VPS36: variants seen among roughly 807,000 people sequenced by gnomAD.
The protein encoded by VPS36 is vacuolar protein-sorting-associated protein 36.
VPS36 carries 31 observed loss-of-function variants against 63.5 expected under a neutral mutation model. That is an observed-to-expected ratio of 0.49 (90% confidence interval 0.37 to 0.66). The LOEUF is 0.66. Ranked by LOEUF, VPS36 falls within the 30% of genes least tolerant of loss-of-function variation. The pLI is 0.00. For missense variants in VPS36, 338 were observed against 463.7 expected, an observed-to-expected ratio of 0.73 and a Z score of 2.49; for synonymous variants, 138 against 157.2, an observed-to-expected ratio of 0.88 and a Z score of 0.91.
intron 1 of VPS36, among the ~76,000 whole-genome samples, chr13:52,443,492 A>G (rs1174425799): frequency 6.6e-6 from 1 of 152,154 alleles, no homozygotes; most frequent in Non-Finnish European, 1.5e-5. Context: ...AGACCATGCA[A>G]GTACACAGGG....
intron 8 of VPS36, 85 bp from the exon 9 acceptor site, chr13:52,426,151 A>T: frequency 6.6e-7 from 1 of 1,523,736 alleles, no homozygotes; most frequent in Non-Finnish European, 8.9e-7. Flanking sequence ...ATTCCACTCA[A>T]TTATGTCTAC....
intron 1 of VPS36, among the ~76,000 whole-genome samples, chr13:52,444,401 A>C (rs868131822): frequency 2.0e-5 from 3 of 151,656 alleles, no homozygotes; most frequent in African/African-American, 7.3e-5. Context: ...CGGAGCTTGC[A>C]GTGAGCCGAG....
intron 10 of VPS36, among the ~76,000 whole-genome samples, chr13:52,423,047 G>A (rs1397021626): frequency 6.6e-6 from 1 of 152,134 alleles, no homozygotes; most frequent in Non-Finnish European, 1.5e-5. Flanking sequence ...CACCATCCAC[G>A]TAAGATGTGA....
At chr13:52,444,548 A>G (rs1348281859) in intron 1 of VPS36, among the ~76,000 whole-genome samples, 1 of 147,634 alleles carries the variant, frequency 6.8e-6, no homozygotes, top group African/African-American at 2.5e-5. Context: ...ACATATACAT[A>G]TATATGTATA....
intron 1 of VPS36, chr13:52,450,250 G>A: frequency 9.0e-7 from 1 of 1,112,906 alleles, no homozygotes; most frequent in Non-Finnish European, 1.1e-6. Flanking sequence ...GCCGCGATCC[G>A]CGCCTGCTGG....
intron 3 of VPS36, among the ~76,000 whole-genome samples, chr13:52,437,613 T>C (rs1216408751): frequency 6.6e-6 from 1 of 151,898 alleles, no homozygotes; most frequent in Non-Finnish European, 1.5e-5. Flanking sequence ...GTCATCCAAT[T>C]ACTATACTTC....
chr13:52,432,913 G>T (rs1434196888), intron 6 of VPS36, among the ~76,000 whole-genome samples: 3 of 152,280 alleles, frequency 2.0e-5, no homozygotes, highest in Middle Eastern at 3.4e-3. Context: ...TTACTTGATT[G>T]ACATAAATCT....
chr13:52,419,757 G>A (rs951750295), intron 10 of VPS36, among the ~76,000 whole-genome samples: 8 of 152,180 alleles, frequency 5.3e-5, no homozygotes, highest in African/African-American at 1.9e-4. Flanking sequence ...GATAGAACTG[G>A]AAGACATTGT....
chr13:52,431,609 A>G (rs1297959957), intron 6 of VPS36, among the ~76,000 whole-genome samples: 3 of 151,934 alleles, frequency 2.0e-5, no homozygotes, highest in Non-Finnish European at 4.4e-5. Context: ...CTAAAAATAC[A>G]AAAATTAGCT....
chr13:52,444,392 G>A (rs546757212), intron 1 of VPS36, among the ~76,000 whole-genome samples: 3 of 151,646 alleles, frequency 2.0e-5, no homozygotes, highest in East Asian at 1.9e-4. Context: ...CCCGGGAGGC[G>A]GAGCTTGCAG....
rs1161750021 is a variant in VPS36, at chr13:52,417,158, C to T, written c.906-17G>A. ...ACACGGAGCCTGAAAACCACAGGTG[C>T]GAGAACAAAGCCAGGAATTATCTAG... On this transcript the variant is annotated splice_polypyrimidine_tract_variant and intron_variant, in intron 11 of 13. Transcript: ENST00000378060. The T allele has an allele frequency of 5.0e-6, 8 of 1,611,326 alleles. No individual in the cohort carries two copies. In the African/African-American group the frequency reaches 5.4e-5, roughly 11 times the overall value.
At chr13:52,419,460 A>G (rs61958049) in intron 10 of VPS36, among the ~76,000 whole-genome samples, 6,044 of 152,344 alleles carry the variant, frequency 0.04, 138 homozygotes, top group South Asian at 0.07. Flanking sequence ...ATTCAGTCCA[A>G]GCCCTTATAT....
chr13:52,425,853 T>C, intron 9 of VPS36, 79 bp downstream of exon 9: 3 of 1,421,314 alleles, frequency 2.1e-6, no homozygotes, highest in Admixed American at 2.5e-5. Flanking sequence ...TGAAAATAGT[T>C]ATGCTCTTGT....
At chr13:52,439,040 C>A in intron 3 of VPS36, 58 bp downstream of exon 3, 2 of 1,519,900 alleles carry the variant, frequency 1.3e-6, no homozygotes, top group Non-Finnish European at 9.0e-7. Context: ...ACCTCTTGGC[C>A]AATAGCATAA....
At chr13:52,423,160 A>T (rs544273419) in intron 10 of VPS36, among the ~76,000 whole-genome samples, 5 of 152,284 alleles carry the variant, frequency 3.3e-5, no homozygotes, top group African/African-American at 1.2e-4. Context: ...AGTCTCAGGT[A>T]TGTCTTTATC....
At chr13:52,450,408 GCCGCGCCGAC>G in intron 1 of VPS36, 81 bp downstream of exon 1, 1 of 1,380,400 alleles carries the variant, frequency 7.2e-7, no homozygotes, top group Non-Finnish European at 9.4e-7. Context: ...CGGGGACCGG[GCCGCGCCGAC>G]CCGGGCCGCG....
At chr13:52,428,034 A>C (rs1480730400) in intron 6 of VPS36, among the ~76,000 whole-genome samples, 2 of 152,204 alleles carry the variant, frequency 1.3e-5, no homozygotes, top group Non-Finnish European at 2.9e-5. Flanking sequence ...TTTAGCAAGT[A>C]AGATAATCAG....
At chr13:52,444,537 T>C (rs1958317322) in intron 1 of VPS36, among the ~76,000 whole-genome samples, 1 of 147,556 alleles carries the variant, frequency 6.8e-6, no homozygotes, top group Admixed American at 6.8e-5. Context: ...TATATATAAA[T>C]ACATATACAT....
intron 9 of VPS36, among the ~76,000 whole-genome samples, chr13:52,424,903 G>C (rs1193244261): frequency 6.6e-6 from 1 of 151,894 alleles, no homozygotes; most frequent in Non-Finnish European, 1.5e-5. Context: ...CAGGAGAATC[G>C]CTTGAACCCG....
Sources: gnomAD v4.1 joint callset for allele counts (sites outside exome capture counted in the v4.1 genomes callset) on GRCh38, gnomAD v4.1.1 for gene constraint, MANE v1.5 for transcripts, NCBI Gene and HGNC (gene_info 2026-07-23, HGNC 2026-07-21) for gene names.